Variants in FRYL observed in about 807,000 individuals in gnomAD.
FRYL encodes the protein FRY like transcription coactivator.
Under a neutral mutation model 351.2 loss-of-function variants are expected in FRYL, and 150 were observed. The ratio of observed to expected loss-of-function variants is 0.43; its 90% CI spans 0.37 to 0.49. The LOEUF is 0.49. Among genes scored for constraint, FRYL ranks in the 20% least tolerant of loss-of-function variants. FRYL has a pLI of 0.00. For missense variants in FRYL, 3,036 were observed against 3,619.3 expected, an observed-to-expected ratio of 0.84 and a Z score of 4.13; for synonymous variants, 1,153 against 1,257.1, an observed-to-expected ratio of 0.92 and a Z score of 1.75.
intron 21 of FRYL, 82 bp from the exon 22 acceptor site, chr4:48,581,033 A>C (rs1330148450): frequency 1.6e-5 from 12 of 749,184 alleles, no homozygotes; most frequent in South Asian, 2.1e-5. Flanking sequence ...CTAAAAATTC[A>C]CTTCAGCACT....
intron 1 of FRYL, among the ~76,000 whole-genome samples, chr4:48,712,565 G>T (rs1413911572): frequency 6.6e-6 from 1 of 152,192 alleles, no homozygotes; most frequent in Non-Finnish European, 1.5e-5. Flanking sequence ...ATATGGTACT[G>T]TGTGAAAAGA....
chr4:48,575,913 G>T, intron 24 of FRYL, 117 bp downstream of exon 24: 1 of 812,278 alleles, frequency 1.2e-6, no homozygotes, highest in Non-Finnish European at 1.9e-6. Flanking sequence ...CTTTTTGCAA[G>T]TAAGTAACAC....
rs200076496 is a variant in FRYL, at chr4:48,528,214, G to T, written c.7026C>A (p.Ala2342=). The change falls in exon 51 of 64, where the codon GCC becomes GCA. Residue 2342 remains alanine (A), a synonymous_variant. Coordinates refer to ENST00000358350, the MANE Select transcript of FRYL (RefSeq NM_015030.2). ...SSTSSGSNSN[A]LVPVSWKRPQ... Reference sequence around the variant, plus strand: ...GCCTTTTCCAACTAACAGGAACCAAGGCATTAGAATTAGAACCAGAAGAAG... The same window carrying T: ...GCCTTTTCCAACTAACAGGAACCAATGCATTAGAATTAGAACCAGAAGAAG... The T allele has an allele frequency of 1.9e-6, 3 of 1,613,206 alleles. No homozygotes were observed. Among genetic ancestry groups the T allele is most frequent in the Non-Finnish European group, 2.5e-6 (3 of 1,179,428 alleles).
At chr4:48,635,776 T>C (rs1435548966) in intron 3 of FRYL, among the ~76,000 whole-genome samples, 1 of 152,190 alleles carries the variant, frequency 6.6e-6, no homozygotes, top group African/African-American at 2.4e-5. Flanking sequence ...ATCTGCAAGT[T>C]TGTGCTTCTT....
intron 1 of FRYL, among the ~76,000 whole-genome samples, chr4:48,773,241 G>T (rs1300484796): frequency 6.6e-6 from 1 of 152,162 alleles, no homozygotes; most frequent in Non-Finnish European, 1.5e-5. Flanking sequence ...ATAAAGACTA[G>T]TAGAGCTGAT....
chr4:48,773,456 C>T (rs997181157), intron 1 of FRYL, among the ~76,000 whole-genome samples: 30 of 152,022 alleles, frequency 2.0e-4, no homozygotes, highest in African/African-American at 7.3e-4. Context: ...AAGTATTGCC[C>T]TTTATTTGAG....
intron 56 of FRYL, among the ~76,000 whole-genome samples, 176 bp downstream of exon 56, chr4:48,514,852 T>C (rs1223309620): frequency 6.6e-6 from 1 of 152,218 alleles, no homozygotes; most frequent in Non-Finnish European, 1.5e-5. Flanking sequence ...GAGTCAGGCA[T>C]TTTATTTTTA....
intron 24 of FRYL, among the ~76,000 whole-genome samples, chr4:48,575,691 A>C (rs73817809): frequency 0.029 from 4,409 of 152,332 alleles, 77 homozygotes; most frequent in Admixed American, 0.047. Context: ...AAAGGCGTTT[A>C]ATTATTTAAA....
chr4:48,630,133 G>A, intron 4 of FRYL, among the ~76,000 whole-genome samples: 1 of 152,132 alleles, frequency 6.6e-6, no homozygotes, highest in Non-Finnish European at 1.5e-5. Flanking sequence ...ACCTTCTTTG[G>A]GGACTCTGAC....
chr4:48,641,883 G>T (rs1755402028), intron 3 of FRYL, among the ~76,000 whole-genome samples: 1 of 152,052 alleles, frequency 6.6e-6, no homozygotes, highest in Non-Finnish European at 1.5e-5. Flanking sequence ...TCCCCATTTT[G>T]ATTAACTACT....
At chr4:48,572,122 C>T (rs1738465672) in intron 26 of FRYL, 3 of 366,876 alleles carry the variant, frequency 8.2e-6, no homozygotes, top group Non-Finnish European at 1.1e-5. Context: ...CCATCTCCCT[C>T]TCCTGCTTAA....
chr4:48,729,090 G>T (rs1354170697), intron 1 of FRYL, among the ~76,000 whole-genome samples: 1 of 152,246 alleles, frequency 6.6e-6, no homozygotes, highest in Non-Finnish European at 1.5e-5. Context: ...GGCTCAGCAG[G>T]TCCCATGCCC....
rs534902077 is a variant in FRYL at position 48,605,626 on chromosome 4, C to T, written c.834+115G>A. The T allele has an allele frequency of 1.3e-4, 94 of 707,804 alleles. No homozygotes were observed. The South Asian group carries it at 1.6e-3, about 12-fold the overall frequency. The allele number at this position is 707,804 out of a possible 1,614,324, so 43.8% of individuals were successfully genotyped here. A position where few individuals can be genotyped will look rare whatever the true frequency, so the allele number is the denominator to read the frequency against. On this transcript the variant is annotated intron_variant, in intron 11 of 63. Transcript: ENST00000358350. ...ACAGGGAGCAAATGAGACGAGCCTT[C>T]CCATGGCCACAGCTTATTGTCATGT...
intron 1 of FRYL, among the ~76,000 whole-genome samples, chr4:48,763,939 C>T (rs1774678799): frequency 6.6e-6 from 1 of 152,032 alleles, no homozygotes; most frequent in Non-Finnish European, 1.5e-5. Context: ...GAGTATGAGG[C>T]GGGCGGCTCA....
At chr4:48,769,425 C>T (rs769250107) in intron 1 of FRYL, among the ~76,000 whole-genome samples, 3 of 151,974 alleles carry the variant, frequency 2.0e-5, no homozygotes, top group East Asian at 3.9e-4. Context: ...AATGATAATA[C>T]GAAATGTTGG....
intron 1 of FRYL, among the ~76,000 whole-genome samples, chr4:48,738,123 G>T (rs1288078763): frequency 6.6e-6 from 1 of 152,030 alleles, no homozygotes; most frequent in Non-Finnish European, 1.5e-5. Flanking sequence ...AATAAGGAAA[G>T]GAAATAAAAA....
chr4:48,703,076 C>A (rs1177856790), intron 2 of FRYL, among the ~76,000 whole-genome samples: 2 of 151,974 alleles, frequency 1.3e-5, no homozygotes, highest in Non-Finnish European at 2.9e-5. Context: ...GATCTTGAAA[C>A]CTAAAGAAAA....
In FRYL at chr4:48,578,983, C is replaced by T; in HGVS notation, c.2518G>A (p.Val840Ile). The change falls in exon 23 of 64, where the codon GTC becomes ATC. Residue 840 changes from valine (V) to isoleucine (I), a missense_variant. Around this residue, in one of 7 missense-constraint regions of FRYL, gnomAD observed 492 missense variants for 551.5 expected, o/e 0.89. Transcript: ENST00000358350. Reference protein sequence around the residue: ...YTRLQLLSPQVDINSPINAKK... With the variant: ...YTRLQLLSPQIDINSPINAKK... ...AGGAAAATAACTTACTTTATATCGA[C>T]CTGAGGGGACAACAACTGAAGTCTT... 2 of 1,607,488 alleles carry T rather than the reference C, an allele frequency of 1.2e-6. No individual in the cohort carries two copies. The highest frequency in any genetic ancestry group is 1.7e-6 in the Non-Finnish European group (2 of 1,177,468).
chr4:48,595,523 T>C lies in FRYL; in HGVS notation c.1248+67A>G. ...TTAGATGCATAAAAAATTTCAAAGC[T>C]CCAAGTGATTACAATAGATTACTCT... On this transcript the variant is annotated intron_variant, in intron 15 of 63. Coordinates refer to ENST00000358350, the MANE Select transcript of FRYL (RefSeq NM_015030.2). 5.8e-6 allele frequency: 5 copies of C among 863,186 alleles called. No homozygotes were observed. The South Asian group carries it at 8.3e-5, about 14-fold the overall frequency. The allele number at this position is 863,186 out of a possible 1,614,324, so 53.5% of individuals were successfully genotyped here.
Sources: gnomAD v4.1 joint callset for allele counts (sites outside exome capture counted in the v4.1 genomes callset) on GRCh38, gnomAD v4.1.1 for gene constraint, gnomAD v4.1.1 regional missense constraint, MANE v1.5 for transcripts, NCBI Gene and HGNC (gene_info 2026-07-23, HGNC 2026-07-21) for gene names.